Variants in RAB38 observed in about 807,000 individuals in gnomAD.
RAB38 encodes ras-related protein Rab-38.
In RAB38, 15 loss-of-function variants were observed where a neutral mutation model predicts 18.4. That is an observed-to-expected ratio of 0.82 (90% confidence interval 0.55 to 1.26). The LOEUF is 1.26. Ranked by LOEUF, RAB38 falls within the 50% of genes most tolerant of loss-of-function variation. The pLI is 0.00. For missense variants in RAB38, 294 were observed against 267.4 expected (o/e 1.10, Z -0.69); for synonymous variants, 101 against 104.4 (o/e 0.97, Z 0.20).
At chr11:87,976,608 T>TATTTTACATAATATATAAATATATACA in the RAB38 span, among the ~76,000 whole-genome samples, 1 of 103,138 alleles carries the variant, frequency 9.7e-6, no homozygotes, top group African/African-American at 4.0e-5. Flanking sequence ...TATAAATACA[T>TATTTTACATAATATATAAATATATACA]ATTTTACATG....
chr11:87,976,438 AT>A, the RAB38 span, among the ~76,000 whole-genome samples: 12,361 of 135,440 alleles, frequency 0.091, 637 homozygotes, highest in Middle Eastern at 0.17. Flanking sequence ...ATGCATTTAT[AT>A]TTTTTATATT....
At chr11:87,891,603 A>G in the RAB38 span, among the ~76,000 whole-genome samples, 1 of 151,800 alleles carries the variant, frequency 6.6e-6, no homozygotes, top group Admixed American at 6.6e-5. Flanking sequence ...TATTTAAACT[A>G]TGAGTTCGAA....
chr11:87,895,510 G>T, the RAB38 span, among the ~76,000 whole-genome samples: 1 of 151,548 alleles, frequency 6.6e-6, no homozygotes, highest in Admixed American at 6.6e-5. Flanking sequence ...ACTTAACTAA[G>T]CATTTTAATT....
the RAB38 span, among the ~76,000 whole-genome samples, chr11:87,862,258 C>G: frequency 1.3e-5 from 2 of 151,946 alleles, no homozygotes; most frequent in Non-Finnish European, 2.9e-5. Context: ...TAGAATCAAC[C>G]TAAATGCCCA....
At chr11:88,139,501 T>C (rs1380063644) in intron 2 of RAB38, among the ~76,000 whole-genome samples, 1 of 152,130 alleles carries the variant, frequency 6.6e-6, no homozygotes, top group Non-Finnish European at 1.5e-5. Context: ...CTTCCAGGAG[T>C]TGAACCTAGT....
the RAB38 span, among the ~76,000 whole-genome samples, chr11:87,978,081 G>T: frequency 2.0e-5 from 2 of 101,766 alleles, no homozygotes; most frequent in South Asian, 3.2e-4. Flanking sequence ...TAAATATATA[G>T]GTGTATATAT....
chr11:87,976,405 A>G, the RAB38 span, among the ~76,000 whole-genome samples: 49 of 125,864 alleles, frequency 3.9e-4, no homozygotes, highest in Admixed American at 1.1e-3. Context: ...ACATATTTAT[A>G]TATTTATATA....
chr11:88,130,155 A>T (rs1322045776), intron 2 of RAB38, among the ~76,000 whole-genome samples: 1 of 152,210 alleles, frequency 6.6e-6, no homozygotes, highest in Non-Finnish European at 1.5e-5. Context: ...AAAAATAAGG[A>T]CAGGAAGCTC....
At chr11:87,808,500 A>G in the RAB38 span, among the ~76,000 whole-genome samples, 1 of 152,158 alleles carries the variant, frequency 6.6e-6, no homozygotes, top group African/African-American at 2.4e-5. Context: ...TGTTGATCTC[A>G]TAGAAGAAGG....
At chr11:87,919,748 G>A in the RAB38 span, among the ~76,000 whole-genome samples, 1 of 151,912 alleles carries the variant, frequency 6.6e-6, no homozygotes, top group Non-Finnish European at 1.5e-5. Flanking sequence ...TCTGTGATGG[G>A]AGAATTTTTA....
chr11:88,039,857 G>T, the RAB38 span, among the ~76,000 whole-genome samples: 1 of 152,192 alleles, frequency 6.6e-6, no homozygotes, highest in Non-Finnish European at 1.5e-5. Context: ...GAATGCTCGT[G>T]GGAGTGGGAT....
At chr11:87,808,203 T>TGG in the RAB38 span, among the ~76,000 whole-genome samples, 2 of 152,208 alleles carry the variant, frequency 1.3e-5, no homozygotes, top group African/African-American at 4.8e-5. Context: ...ATCTCACTAT[T>TGG]GGGTATATAT....
chr11:88,034,084 A>G, the RAB38 span, among the ~76,000 whole-genome samples: 2 of 152,224 alleles, frequency 1.3e-5, no homozygotes, highest in South Asian at 4.2e-4. Context: ...CCTGGCAACC[A>G]CTAATCTGTT....
At chr11:88,148,510 C>A (rs968298179) in intron 2 of RAB38, among the ~76,000 whole-genome samples, 1 of 152,194 alleles carries the variant, frequency 6.6e-6, no homozygotes, top group Non-Finnish European at 1.5e-5. Context: ...GCCCTCCAAT[C>A]CGTCTTCTAT....
chr11:87,848,623 A>G, the RAB38 span, among the ~76,000 whole-genome samples: 1 of 152,146 alleles, frequency 6.6e-6, no homozygotes, highest in Non-Finnish European at 1.5e-5. Flanking sequence ...CCAAATTTAA[A>G]GATGTCTTTC....
At chr11:88,114,681 T>C (rs552785902) in intron 2 of RAB38, among the ~76,000 whole-genome samples, 88 of 152,330 alleles carry the variant, frequency 5.8e-4, no homozygotes, top group African/African-American at 2.0e-3. Context: ...GGCGTCAAAA[T>C]GTGAGAAGTA....
chr11:88,119,475 T>A (rs572428531), intron 2 of RAB38, among the ~76,000 whole-genome samples: 1 of 152,336 alleles, frequency 6.6e-6, no homozygotes, highest in South Asian at 2.1e-4. Flanking sequence ...TCCTTTTTAT[T>A]CCAATTGTGA....
chr11:88,129,183 G>C (rs1942739180), intron 2 of RAB38, among the ~76,000 whole-genome samples: 1 of 152,020 alleles, frequency 6.6e-6, no homozygotes, highest in Non-Finnish European at 1.5e-5. Context: ...TACAGAATAA[G>C]TAGAAAACTG....
At chr11:88,112,413 G>C (rs759779546), downstream of RAB38, among the ~76,000 whole-genome samples, 15 of 152,190 alleles carry the variant, frequency 9.9e-5, no homozygotes, top group Middle Eastern at 3.4e-3. Context: ...AGAGTAGAAG[G>C]CCTCTTTTTC....
Sources: allele counts gnomAD v4.1 joint callset (sites outside exome capture counted in the v4.1 genomes callset), GRCh38; gene constraint gnomAD v4.1.1; transcripts MANE v1.5; gene names NCBI Gene and HGNC (gene_info 2026-07-23, HGNC 2026-07-21).